RPS6KC1: variants seen among roughly 807,000 people sequenced by gnomAD.
RPS6KC1 encodes the protein ribosomal protein S6 kinase C1, also known as inactive ribosomal protein S6 kinase delta-1.
Under a neutral mutation model 103.8 loss-of-function variants are expected in RPS6KC1, and 54 were observed. The observed-to-expected ratio is 0.52, with a 90% confidence interval of 0.42 to 0.65. RPS6KC1 has a LOEUF of 0.65. RPS6KC1 is among the 30% of genes least tolerant of loss of function. RPS6KC1 has a pLI of 0.00. For missense variants in RPS6KC1, 1,151 were observed against 1,253.8 expected, an observed-to-expected ratio of 0.92 and a Z score of 1.24; for synonymous variants, 439 against 438.7, an observed-to-expected ratio of 1.00 and a Z score of -0.01.
the RPS6KC1 span, among the ~76,000 whole-genome samples, chr1:213,541,249 A>G: frequency 6.8e-6 from 1 of 145,996 alleles, no homozygotes; most frequent in Non-Finnish European, 1.5e-5. Context: ...TTGCTGTCTT[A>G]TATGGGTGCA....
rs76008979 is a variant in RPS6KC1 at position 213,239,738 on chromosome 1, C to T, written c.1226-964C>T. Among the ~76,000 whole-genome samples, 319 of 152,130 alleles carry T rather than the reference C, an allele frequency of 2.1e-3. 6 individuals are homozygous for T. The East Asian group carries it at 0.052, about 25-fold the overall frequency. Reference sequence around the variant, plus strand: ...TTCTTTGCAACTACAATTCTGTCTCCGCAAAGTATACTTCTGTAGTTACTG... The same window carrying T: ...TTCTTTGCAACTACAATTCTGTCTCTGCAAAGTATACTTCTGTAGTTACTG... On this transcript the variant is annotated intron_variant, in intron 10 of 14. Coordinates refer to ENST00000366960, the MANE Select transcript of RPS6KC1 (RefSeq NM_012424.6).
intron 1 of RPS6KC1, among the ~76,000 whole-genome samples, chr1:213,052,240 G>A (rs2077013444): frequency 6.6e-6 from 1 of 152,170 alleles, no homozygotes; most frequent in South Asian, 2.1e-4. Flanking sequence ...AATTAAATAA[G>A]TATATATGTA....
At chr1:213,832,809 AAAAG>A in the RPS6KC1 span, among the ~76,000 whole-genome samples, 1 of 152,186 alleles carries the variant, frequency 6.6e-6, no homozygotes, top group African/African-American at 2.4e-5. Context: ...GTAGGTTTTT[AAAAG>A]AATAAACACA....
At position 213,241,844 on chromosome 1, in the gene RPS6KC1, T is replaced by C. The variant is rs1457647901; in HGVS notation, c.2368T>C (p.Ser790Pro). 6.2e-7 allele frequency: 1 copy of C among 1,613,890 alleles called. No homozygotes were observed. Among genetic ancestry groups the C allele is most frequent in the Non-Finnish European group, 8.5e-7 (1 of 1,179,946 alleles). ...AVDHSSSGDM[S>P]LLPSSDPKFQ... ...TGATCATAGTAGTTCAGGAGATATGTCTTTGTTACCCAGCTCAGATCCTAA... is the reference window on the plus strand; with the variant it reads ...TGATCATAGTAGTTCAGGAGATATGCCTTTGTTACCCAGCTCAGATCCTAA... Residue 790 changes from serine to proline, a missense_variant, in exon 11 of 15, where the codon TCT becomes CCT. Transcript: ENST00000366960.
intron 6 of RPS6KC1, among the ~76,000 whole-genome samples, chr1:213,139,012 A>T (rs1466694041): frequency 6.6e-6 from 1 of 152,138 alleles, no homozygotes; most frequent in Non-Finnish European, 1.5e-5. Flanking sequence ...TGTCACTGGC[A>T]TGTGTTATTT....
chr1:213,229,935 A>T (rs2094050919), intron 8 of RPS6KC1, among the ~76,000 whole-genome samples: 1 of 152,180 alleles, frequency 6.6e-6, no homozygotes, highest in Non-Finnish European at 1.5e-5. Flanking sequence ...CTTGAATCAG[A>T]GTAATAACTG....
the RPS6KC1 span, among the ~76,000 whole-genome samples, chr1:213,563,916 A>G: frequency 6.5e-4 from 95 of 146,884 alleles, no homozygotes; most frequent in Middle Eastern, 7.6e-3. Context: ...AATTTTACCA[A>G]TTTATTTGCT....
intron 6 of RPS6KC1, among the ~76,000 whole-genome samples, chr1:213,146,327 A>G (rs1431920822): frequency 6.6e-6 from 1 of 151,630 alleles, no homozygotes; most frequent in East Asian, 1.9e-4. Context: ...AATCTTGGCT[A>G]TTGTAAATAG....
At chr1:213,140,283 G>A (rs2086857648) in intron 6 of RPS6KC1, among the ~76,000 whole-genome samples, 1 of 151,750 alleles carries the variant, frequency 6.6e-6, no homozygotes, top group Non-Finnish European at 1.5e-5. Context: ...ATCTTGCGAA[G>A]AAAGATGATT....
the RPS6KC1 span, among the ~76,000 whole-genome samples, chr1:213,684,445 C>T: frequency 6.6e-6 from 1 of 152,148 alleles, no homozygotes; most frequent in African/African-American, 2.4e-5. Flanking sequence ...CACTGTGTCC[C>T]CATTACCCCT....
intron 14 of RPS6KC1, among the ~76,000 whole-genome samples, chr1:213,269,014 A>G (rs1208609139): frequency 6.6e-6 from 1 of 152,204 alleles, no homozygotes; most frequent in Non-Finnish European, 1.5e-5. Context: ...AATAAAGTGA[A>G]TATCTAAACA....
chr1:213,769,400 C>T, the RPS6KC1 span, among the ~76,000 whole-genome samples: 1 of 152,188 alleles, frequency 6.6e-6, no homozygotes. Context: ...CAAGGTAAGG[C>T]TGCTCTGATG....
the RPS6KC1 span, among the ~76,000 whole-genome samples, chr1:213,816,439 T>C: frequency 1.3e-5 from 2 of 152,164 alleles, no homozygotes; most frequent in South Asian, 2.1e-4. Flanking sequence ...ACATTTTCCA[T>C]TTTGCCCTTA....
chr1:213,296,730 G>A, the RPS6KC1 span, among the ~76,000 whole-genome samples: 244 of 152,328 alleles, frequency 1.6e-3, 1 homozygote, highest in African/African-American at 5.7e-3. Context: ...ATGGTTCTTA[G>A]AAGCAGGAGA....
At chr1:213,256,916 AG>A (rs1343397284) in intron 12 of RPS6KC1, among the ~76,000 whole-genome samples, 1 of 152,254 alleles carries the variant, frequency 6.6e-6, no homozygotes, top group East Asian at 1.9e-4. Context: ...ACTTGACTGT[AG>A]AGGTGATACG....
At chr1:213,769,990 C>T in the RPS6KC1 span, among the ~76,000 whole-genome samples, 4 of 152,062 alleles carry the variant, frequency 2.6e-5, no homozygotes, top group Admixed American at 6.5e-5. Context: ...AGATGAGTCT[C>T]GAGGTCCAAC....
chr1:213,075,147 G>A (rs976419937), intron 2 of RPS6KC1, among the ~76,000 whole-genome samples: 12 of 151,908 alleles, frequency 7.9e-5, no homozygotes, highest in African/African-American at 2.7e-4. Flanking sequence ...CACCACGCCC[G>A]GCCTAGAATA....
chr1:213,657,975 C>A, the RPS6KC1 span, among the ~76,000 whole-genome samples: 1 of 152,154 alleles, frequency 6.6e-6, no homozygotes, highest in African/African-American at 2.4e-5. Context: ...CATGACTCAG[C>A]CACATACTGA....
chr1:213,143,920 T>A (rs2087403179), intron 6 of RPS6KC1, among the ~76,000 whole-genome samples: 1 of 151,692 alleles, frequency 6.6e-6, no homozygotes, highest in African/African-American at 2.4e-5. Context: ...TTGCTTATGG[T>A]CCCCTTTGTC....
Sources: allele counts gnomAD v4.1 joint callset (sites outside exome capture counted in the v4.1 genomes callset), GRCh38; gene constraint gnomAD v4.1.1; transcripts MANE v1.5; gene names NCBI Gene and HGNC (gene_info 2026-07-23, HGNC 2026-07-21).